POLG: variants seen among roughly 807,000 people sequenced by gnomAD.
POLG encodes DNA polymerase subunit gamma-1.
A neutral mutation model predicts 155.4 loss-of-function variants in POLG; 110 were observed. The observed-to-expected ratio is 0.71, with a 90% CI of 0.61 to 0.83. POLG has a LOEUF of 0.83. Ranked by LOEUF, POLG falls within the 40% of genes least tolerant of loss-of-function variation. The pLI, the probability that POLG is intolerant of heterozygous loss-of-function variation, is 0.00. For missense variants in POLG, 1,685 were observed against 1,627.5 expected (o/e 1.04, Z -0.61); for synonymous variants, 701 against 631.5 (o/e 1.11, Z -1.65).
At chr15:89,316,974 A>C in intron 22 of POLG, 147 bp from the exon 23 acceptor site, 1 of 692,944 alleles carries the variant, frequency 1.4e-6, no homozygotes, top group Non-Finnish European at 2.6e-6. Flanking sequence ...ACATGTTAGG[A>C]GGGTCTGTTT....
chr15:89,330,731 CAA>C (rs746090028), intron 2 of POLG, among the ~76,000 whole-genome samples: 4 of 117,904 alleles, frequency 3.4e-5, no homozygotes, highest in Admixed American at 1.7e-4. Context: ...ATTGAATTGG[CAA>C]AAAAAAAAAA....
chr15:89,318,980 A>G lies in POLG; in HGVS notation c.3224T>C (p.Leu1075Pro), dbSNP rs2152059265. The G allele has an allele frequency of 6.2e-7, 1 of 1,614,132 alleles. No homozygotes were observed. The highest frequency in any genetic ancestry group is 1.3e-5 in the African/African-American group (1 of 75,010). ...ATSDIPRTPV[L>P]GCCISRALEP... ...CAGGGCTCGGCTGATGCAGCAGCCC[A>G]GCACCGGGGTACGTGGTATGTCAGA... The change falls in exon 20 of 23, where the codon CTG becomes CCG. Residue 1075 changes from leucine (L) to proline (P), a missense_variant. Physicochemically the swap from Leu to Pro is moderately conservative, Grantham distance 98 (BLOSUM62 -3). Transcript: ENST00000268124.
At chr15:89,325,956 A>C (rs1374820533) in intron 9 of POLG, among the ~76,000 whole-genome samples, 1 of 152,194 alleles carries the variant, frequency 6.6e-6, no homozygotes, top group Non-Finnish European at 1.5e-5. Context: ...GACCCAGGGC[A>C]GGGCTCCTTC....
intron 2 of POLG, among the ~76,000 whole-genome samples, chr15:89,331,851 G>A (rs1381082158): frequency 6.6e-6 from 1 of 150,408 alleles, no homozygotes; most frequent in Non-Finnish European, 1.5e-5. Context: ...TCTGCCATCA[G>A]GTCAACTAAG....
chr15:89,318,902 C>A (rs1567185390), intron 20 of POLG, 29 bp downstream of exon 20: 2 of 1,613,646 alleles, frequency 1.2e-6, no homozygotes, highest in Non-Finnish European at 8.5e-7. Flanking sequence ...TGGGGCCCCT[C>A]TGCCCATGCT....
intron 10 of POLG, among the ~76,000 whole-genome samples, chr15:89,325,163 TGAGTGAGAGAGTGA>T (rs2055480323): frequency 2.1e-5 from 1 of 48,182 alleles, no homozygotes. Flanking sequence ...AGTGAGTGAG[TGAGTGAGAGAGTGA>T]GAGAGTGAGT....
chr15:89,317,648 C>A (rs1488599761), intron 21 of POLG, 112 bp from the exon 22 acceptor site: 7 of 1,030,528 alleles, frequency 6.8e-6, no homozygotes, highest in Non-Finnish European at 1.1e-5. Context: ...TGGACCAACA[C>A]CCCATCTGTT....
rs901975455 is a variant in POLG, at chr15:89,333,412, G to T, written c.343C>A (p.Gln115Lys). 3.1e-6 allele frequency: 5 copies of T among 1,605,144 alleles called. No homozygotes were observed. The highest frequency in any genetic ancestry group is 1.3e-5 in the African/African-American group (1 of 74,854). The change falls in exon 2 of 23, where the codon CAG becomes AAG. Residue 115 changes from glutamine (Q) to lysine (K), a missense_variant. Around this residue, in one of 3 missense-constraint regions of POLG, gnomAD observed 1,210 missense variants for 1,167.1 expected, o/e 1.04. Coordinates refer to ENST00000268124, the MANE Select transcript of POLG (RefSeq NM_002693.3). Reference sequence around the variant, plus strand: ...ACGTCGGGCAAGGGCACGGCTGGCTGCCCCCAGAGCCCGTGCTTCTGCAGG... The same window carrying T: ...ACGTCGGGCAAGGGCACGGCTGGCTTCCCCCAGAGCCCGTGCTTCTGCAGG... ...EHLQKHGLWG[Q>K]PAVPLPDVEL...
rs1284420002 is a variant in POLG at position 89,321,114 on chromosome 15, C to T, written c.2734+11G>A. ...AGGGGCTGGGCTGCCCCAACCCCGG[C>T]TCCTGCTCACCATGCATGCCGGCAA... On this transcript the variant is annotated intron_variant, in intron 17 of 22. Coordinates refer to ENST00000268124, the MANE Select transcript of POLG (RefSeq NM_002693.3). 2 of 1,614,256 alleles carry T rather than the reference C, an allele frequency of 1.2e-6. No homozygotes were observed. Among genetic ancestry groups the T allele is most frequent in the Non-Finnish European group, 8.5e-7 (1 of 1,180,042 alleles).
chr15:89,331,399 C>T (rs2055592410), intron 2 of POLG, among the ~76,000 whole-genome samples: 2 of 152,040 alleles, frequency 1.3e-5, no homozygotes, highest in Non-Finnish European at 2.9e-5. Context: ...GTAACAGGAA[C>T]TTTGGTTACA....
At chr15:89,321,368 AT>A in intron 16 of POLG, 108 bp from the exon 17 acceptor site, 1 of 1,284,274 alleles carries the variant, frequency 7.8e-7, no homozygotes, top group Non-Finnish European at 1.1e-6. Context: ...GCTTTAGAGA[AT>A]GCCAGACAGC....
intron 10 of POLG, among the ~76,000 whole-genome samples, chr15:89,325,131 A>AGTGAGTGAGT (rs1476054476): frequency 2.2e-5 from 1 of 44,682 alleles, no homozygotes; most frequent in Admixed American, 2.0e-4. Flanking sequence ...AGTGAGTGAG[A>AGTGAGTGAGT]GAGTGAGTGA....
At chr15:89,317,326 A>C (rs2055304539) in intron 22 of POLG, 50 bp downstream of exon 22, 2 of 1,583,160 alleles carry the variant, frequency 1.3e-6, no homozygotes, top group Non-Finnish European at 1.7e-6. Flanking sequence ...CCCACTTTCT[A>C]GTCCACCTCA....
At chr15:89,329,938 C>G in intron 3 of POLG, 143 bp downstream of exon 3, 5 of 744,864 alleles carry the variant, frequency 6.7e-6, no homozygotes, top group South Asian at 5.9e-5. Context: ...ACCAGAGGCA[C>G]AGCTGGTCAA....
At position 89,325,227 on chromosome 15, in the gene POLG, T is replaced by TGAGA. The variant is rs1403706005; in HGVS notation, c.1949+222_1949+223insTCTC. 7.2e-5 allele frequency among the ~76,000 whole-genome samples: 3 copies of TGAGA among 41,866 alleles called. 1 individual carries two copies. The highest frequency in any genetic ancestry group is 1.9e-4 in the African/African-American group (2 of 10,398). 27.5% of individuals were successfully genotyped at this position (41,866 alleles called of 152,430 possible). On this transcript the variant is annotated intron_variant, in intron 10 of 22. Transcript: ENST00000268124. ...GTGAGAGAGTGAGTGAGTGAGAGAG[T>TGAGA]GAGTGAGAGAGTGAGTGAGTGAGAG...
At chr15:89,317,923 A>C (rs1353166398) in intron 21 of POLG, 1 of 333,282 alleles carries the variant, frequency 3.0e-6, no homozygotes, top group Non-Finnish European at 5.8e-6. Flanking sequence ...GAATATTGTA[A>C]ACATCTGTTA....
chr15:89,323,288 CACT>C (rs1243013369), intron 13 of POLG, 113 bp downstream of exon 13: 6 of 728,406 alleles, frequency 8.2e-6, no homozygotes, highest in East Asian at 5.4e-5. Context: ...CACTCTGTCC[CACT>C]ACTAGTCATT....
In POLG at chr15:89,319,219, G is replaced by A. The variant is rs753591682; in HGVS notation, c.3104+9C>T. 6.2e-7 allele frequency: 1 copy of A among 1,614,152 alleles called. No individual in the cohort carries two copies. Among genetic ancestry groups the A allele is most frequent in the East Asian group, 2.2e-5 (1 of 44,876 alleles). ...CTCCCTCCATCCTTAACACAAAGAAGGTTCTTACTTCCTTGCAGTTTCTCT... is the reference window on the plus strand; with the variant it reads ...CTCCCTCCATCCTTAACACAAAGAAAGTTCTTACTTCCTTGCAGTTTCTCT... On this transcript the variant is annotated intron_variant, in intron 19 of 22. Coordinates refer to ENST00000268124, the MANE Select transcript of POLG (RefSeq NM_002693.3).
chr15:89,319,694 T>C (rs1247791976), intron 18 of POLG, among the ~76,000 whole-genome samples: 2 of 152,186 alleles, frequency 1.3e-5, no homozygotes, highest in Non-Finnish European at 2.9e-5. Flanking sequence ...CACGGGCCTT[T>C]TATTCAGGAG....
Sources: gnomAD v4.1 joint callset for allele counts (sites outside exome capture counted in the v4.1 genomes callset) on GRCh38, gnomAD v4.1.1 for gene constraint, gnomAD v4.1.1 regional missense constraint, MANE v1.5 for transcripts, NCBI Gene and HGNC (gene_info 2026-07-23, HGNC 2026-07-21) for gene names.